The following HS6ST3 variants were observed in gnomAD, a reference collection of about 807,000 sequenced individuals.
HS6ST3 encodes heparan sulfate 6-O-sulfotransferase 3.
HS6ST3 carries 12 observed loss-of-function variants against 36.7 expected under a neutral mutation model. The observed-to-expected ratio is 0.33, with a 90% CI of 0.21 to 0.53. The LOEUF is 0.53. Ranked by LOEUF, HS6ST3 falls within the 20% of genes least tolerant of loss-of-function variation. HS6ST3 has a pLI of 0.95. For missense variants in HS6ST3, 584 were observed against 640.9 expected (o/e 0.91, Z 0.96); for synonymous variants, 240 against 257.5 (o/e 0.93, Z 0.65).
intron 1 of HS6ST3, among the ~76,000 whole-genome samples, chr13:96,777,628 AC>A (rs1877421279): frequency 6.6e-6 from 1 of 152,218 alleles, no homozygotes; most frequent in African/African-American, 2.4e-5. Context: ...GATGTGAAGG[AC>A]CTCTTCTAGG....
chr13:96,796,495 T>C (rs1405484825), intron 1 of HS6ST3, among the ~76,000 whole-genome samples: 1 of 152,086 alleles, frequency 6.6e-6, no homozygotes, highest in Non-Finnish European at 1.5e-5. Context: ...GGTTAACTTT[T>C]TAAAGAAAAC....
At chr13:96,697,944 G>A (rs1366106076) in intron 1 of HS6ST3, among the ~76,000 whole-genome samples, 1 of 152,030 alleles carries the variant, frequency 6.6e-6, no homozygotes, top group African/African-American at 2.4e-5. Context: ...GTGGCAAAGT[G>A]ACTACTTATT....
intron 1 of HS6ST3, among the ~76,000 whole-genome samples, chr13:96,419,026 G>A (rs1043566949): frequency 6.6e-6 from 1 of 152,212 alleles, no homozygotes; most frequent in African/African-American, 2.4e-5. Context: ...TTGATTAACT[G>A]TCTTGAGGCT....
rs563672169 is a variant in HS6ST3 at position 96,270,935 on chromosome 13, T to G, written c.707+179366T>G. ...CCCTTCACCTACCAACTTTCAGAGC[T>G]CAACTCAAGTACCGTTTCTTCCAAG... On this transcript the variant is annotated intron_variant, in intron 1 of 1. Coordinates refer to ENST00000376705, the MANE Select transcript of HS6ST3 (RefSeq NM_153456.4). Among the ~76,000 whole-genome samples, 3 of 152,024 alleles carry G rather than the reference T, an allele frequency of 2.0e-5. 1 individual carries two copies. The South Asian group carries it at 6.2e-4, about 32-fold the overall frequency.
intron 1 of HS6ST3, among the ~76,000 whole-genome samples, chr13:96,760,159 C>T (rs1876929976): frequency 6.6e-6 from 1 of 151,834 alleles, no homozygotes; most frequent in South Asian, 2.1e-4. Context: ...TCTTTAAACT[C>T]TTTAAATTTT....
intron 1 of HS6ST3, among the ~76,000 whole-genome samples, chr13:96,207,078 A>G (rs2054374210): frequency 6.6e-6 from 1 of 152,170 alleles, no homozygotes; most frequent in African/African-American, 2.4e-5. Context: ...TAATATCCAG[A>G]GTCTAAAAGG....
intron 1 of HS6ST3, among the ~76,000 whole-genome samples, chr13:96,424,576 G>A (rs404177): frequency 0.49 from 75,046 of 151,896 alleles, 18,942 homozygotes; most frequent in Non-Finnish European, 0.56. Flanking sequence ...GTCCAAGATG[G>A]AGGTGCTGAT....
chr13:96,197,522 C>T (rs1208069276), intron 1 of HS6ST3, among the ~76,000 whole-genome samples: 2 of 152,166 alleles, frequency 1.3e-5, no homozygotes, highest in African/African-American at 2.4e-5. Flanking sequence ...GCCTTCCCAA[C>T]AGTCCCCCAA....
intron 1 of HS6ST3, among the ~76,000 whole-genome samples, chr13:96,799,936 A>ATG (rs777663074): frequency 0.027 from 3,299 of 123,520 alleles, 439 homozygotes; most frequent in African/African-American, 0.073. Flanking sequence ...GAATACATAT[A>ATG]TGTGTGTGTA....
chr13:96,626,013 T>A (rs1183059050), intron 1 of HS6ST3, among the ~76,000 whole-genome samples: 2 of 3,664 alleles, frequency 5.5e-4, no homozygotes, highest in Non-Finnish European at 1.1e-3. Context: ...ATTTTTTGTA[T>A]TTTTTTTTTT....
chr13:96,614,237 G>A (rs1417018157), intron 1 of HS6ST3, among the ~76,000 whole-genome samples: 1 of 134,694 alleles, frequency 7.4e-6, no homozygotes, highest in Non-Finnish European at 1.5e-5. Context: ...GGCGGAGCTT[G>A]CAGTGAGCTG....
chr13:96,144,360 G>A (rs971474705), intron 1 of HS6ST3, among the ~76,000 whole-genome samples: 2 of 152,070 alleles, frequency 1.3e-5, no homozygotes, highest in Non-Finnish European at 2.9e-5. Context: ...ATGCATAAAT[G>A]TAATAACTCA....
At chr13:96,769,825 ATACTC>A (rs1227579703) in intron 1 of HS6ST3, among the ~76,000 whole-genome samples, 1 of 151,628 alleles carries the variant, frequency 6.6e-6, no homozygotes, top group Non-Finnish European at 1.5e-5. Flanking sequence ...ATTAATACCC[ATACTC>A]TACTCTGTTC....
In HS6ST3 at chr13:96,575,189, C is replaced by T. The variant is rs529214213; in HGVS notation, c.708-257301C>T. The stretch of plus-strand genomic sequence containing the variant: ...TCCCACTCTTAGTTGGGTTTTCTGG[C>T]ACTCTTCCTGCACCGAGCCTCCTGA... On this transcript the variant is annotated intron_variant, in intron 1 of 1. Coordinates refer to ENST00000376705, the MANE Select transcript of HS6ST3 (RefSeq NM_153456.4). Among the ~76,000 whole-genome samples, 6 of 152,242 alleles carry T rather than the reference C, an allele frequency of 3.9e-5. No individual in the cohort carries two copies. In the East Asian group the frequency reaches 1.2e-3, roughly 29 times the overall value.
intron 1 of HS6ST3, among the ~76,000 whole-genome samples, chr13:96,789,867 G>C (rs1441327965): frequency 6.6e-6 from 1 of 151,692 alleles, no homozygotes. Flanking sequence ...GTTTTTAGCA[G>C]TTTGATTATG....
intron 1 of HS6ST3, among the ~76,000 whole-genome samples, chr13:96,429,522 A>T (rs550597844): frequency 5.9e-5 from 9 of 152,332 alleles, no homozygotes; most frequent in Admixed American, 1.3e-4. Flanking sequence ...CTTGCTGCAC[A>T]ATAATTGTTA....
chr13:96,431,131 G>A (rs1445055402), intron 1 of HS6ST3, among the ~76,000 whole-genome samples: 2 of 152,058 alleles, frequency 1.3e-5, no homozygotes, highest in Non-Finnish European at 2.9e-5. Flanking sequence ...TTGAGCCTAG[G>A]ATTTGGAGTT....
At chr13:96,425,671 C>G (rs1402492614) in intron 1 of HS6ST3, among the ~76,000 whole-genome samples, 1 of 151,892 alleles carries the variant, frequency 6.6e-6, no homozygotes, top group Non-Finnish European at 1.5e-5. Flanking sequence ...ACCCCTAACC[C>G]TACTCCTTCC....
chr13:96,220,400 C>A (rs755723604), intron 1 of HS6ST3, among the ~76,000 whole-genome samples: 3 of 152,074 alleles, frequency 2.0e-5, no homozygotes, highest in Non-Finnish European at 4.4e-5. Flanking sequence ...TAAAGGAAGG[C>A]ACTTTTTTTC....
Sources: gnomAD v4.1 joint callset for allele counts (sites outside exome capture counted in the v4.1 genomes callset) on GRCh38, gnomAD v4.1.1 for gene constraint, MANE v1.5 for transcripts, NCBI Gene and HGNC (gene_info 2026-07-23, HGNC 2026-07-21) for gene names.